Variants in EPHB1 observed in about 807,000 individuals in gnomAD.
EPHB1 encodes ephrin type-B receptor 1.
EPHB1 carries 30 observed loss-of-function variants against 94.4 expected under a neutral mutation model. The ratio of observed to expected loss-of-function variants is 0.32; its 90% confidence interval spans 0.24 to 0.43. The LOEUF is 0.43. EPHB1 is among the 20% of genes least tolerant of loss of function. The pLI is 1.00. For missense variants in EPHB1, 1,055 were observed against 1,308.3 expected (o/e 0.81, Z 2.99); for synonymous variants, 522 against 489.1 (o/e 1.07, Z -0.89).
intron 1 of EPHB1, among the ~76,000 whole-genome samples, chr3:134,844,880 G>T (rs1265831372): frequency 6.6e-6 from 1 of 152,180 alleles, no homozygotes; most frequent in Non-Finnish European, 1.5e-5. Context: ...CTACCAGTTT[G>T]CATGTGTTTT....
chr3:134,840,836 T>A (rs2036762621), intron 1 of EPHB1, among the ~76,000 whole-genome samples: 1 of 152,178 alleles, frequency 6.6e-6, no homozygotes, highest in Non-Finnish European at 1.5e-5. Flanking sequence ...AACTCCTCCC[T>A]TTAAGAGTTT....
intron 1 of EPHB1, among the ~76,000 whole-genome samples, chr3:134,883,704 G>C (rs1023147651): frequency 6.6e-6 from 1 of 152,116 alleles, no homozygotes; most frequent in East Asian, 1.9e-4. Flanking sequence ...GAATGTATCC[G>C]GGTAAACAAG....
At chr3:135,151,552 G>C (rs1299579223) in intron 5 of EPHB1, among the ~76,000 whole-genome samples, 2 of 151,998 alleles carry the variant, frequency 1.3e-5, no homozygotes, top group East Asian at 3.9e-4. Flanking sequence ...TCATTTATTA[G>C]CTCTAGTCTC....
intron 12 of EPHB1, among the ~76,000 whole-genome samples, chr3:135,219,784 C>G (rs1165573070): frequency 1.3e-5 from 2 of 152,160 alleles, no homozygotes; most frequent in African/African-American, 2.4e-5. Flanking sequence ...GTCTGCAAAT[C>G]TGTCCAGTTC....
chr3:134,987,641 C>T (rs889675898), intron 3 of EPHB1, among the ~76,000 whole-genome samples: 6 of 152,076 alleles, frequency 3.9e-5, no homozygotes, highest in East Asian at 1.9e-4. Flanking sequence ...TGTGGTGGCA[C>T]GCGCTTGTAG....
chr3:135,241,652 C>G (rs1017129925), intron 13 of EPHB1, among the ~76,000 whole-genome samples: 2 of 152,184 alleles, frequency 1.3e-5, no homozygotes, highest in African/African-American at 4.8e-5. Context: ...GTTTTCCTTC[C>G]CTGTGAACGA....
At chr3:135,106,007 T>C (rs115897213) in intron 3 of EPHB1, among the ~76,000 whole-genome samples, 1 of 152,124 alleles carries the variant, frequency 6.6e-6, no homozygotes, top group African/African-American at 2.4e-5. Context: ...CAACATGTCA[T>C]TGAAAAACCT....
chr3:135,195,430 C>A (rs1942572880), intron 11 of EPHB1, among the ~76,000 whole-genome samples: 1 of 151,800 alleles, frequency 6.6e-6, no homozygotes. Context: ...GTGCACTGCA[C>A]CCACTAACTC....
intron 1 of EPHB1, among the ~76,000 whole-genome samples, chr3:134,921,910 G>A (rs1203732494): frequency 6.6e-6 from 1 of 152,178 alleles, no homozygotes; most frequent in African/African-American, 2.4e-5. Context: ...GACGGGGGAG[G>A]TTGTATGACA....
chr3:134,964,555 T>C (rs1038767137), intron 3 of EPHB1, among the ~76,000 whole-genome samples: 1 of 152,218 alleles, frequency 6.6e-6, no homozygotes, highest in Admixed American at 6.5e-5. Context: ...CTCTGCCAAA[T>C]CATGAACTTG....
chr3:134,897,335 G>A (rs1223329266), intron 1 of EPHB1, among the ~76,000 whole-genome samples: 6 of 152,152 alleles, frequency 3.9e-5, no homozygotes, highest in Non-Finnish European at 5.9e-5. Context: ...TTGGGTCAGG[G>A]GTGAGGGAGG....
intron 3 of EPHB1, among the ~76,000 whole-genome samples, chr3:134,993,639 G>C (rs1258260055): frequency 6.6e-6 from 1 of 152,220 alleles, no homozygotes; most frequent in Non-Finnish European, 1.5e-5. Context: ...TGAGGGCTAG[G>C]AAGGAGCTTC....
chr3:135,078,843 G>A (rs1027271064), intron 3 of EPHB1, among the ~76,000 whole-genome samples: 1 of 152,202 alleles, frequency 6.6e-6, no homozygotes, highest in Non-Finnish European at 1.5e-5. Flanking sequence ...CGTACTATGT[G>A]CCTAGCTTCC....
chr3:134,980,508 A>G (rs554017692), intron 3 of EPHB1, among the ~76,000 whole-genome samples: 28 of 152,278 alleles, frequency 1.8e-4, no homozygotes, highest in African/African-American at 6.7e-4. Flanking sequence ...TTACACTCAC[A>G]AGAAACTGTT....
At chr3:134,870,550 T>C (rs985246213) in intron 1 of EPHB1, among the ~76,000 whole-genome samples, 2 of 152,172 alleles carry the variant, frequency 1.3e-5, no homozygotes, top group African/African-American at 2.4e-5. Flanking sequence ...ACACAACAAA[T>C]TCTGAATCGT....
At chr3:135,210,271 T>C (rs1272572560) in intron 12 of EPHB1, among the ~76,000 whole-genome samples, 1 of 152,212 alleles carries the variant, frequency 6.6e-6, no homozygotes, top group Non-Finnish European at 1.5e-5. Context: ...ATTTTGATAC[T>C]TAGAAAATTC....
chr3:134,935,845 C>T (rs1252988663), intron 2 of EPHB1, among the ~76,000 whole-genome samples: 1 of 152,124 alleles, frequency 6.6e-6, no homozygotes, highest in Non-Finnish European at 1.5e-5. Flanking sequence ...ATAACTATTA[C>T]ACTAATCATC....
At chr3:135,112,445 A>G (rs1939485556) in intron 4 of EPHB1, among the ~76,000 whole-genome samples, 1 of 152,048 alleles carries the variant, frequency 6.6e-6, no homozygotes, top group South Asian at 2.1e-4. Flanking sequence ...CACAACGTGC[A>G]GGTTTGTTAC....
intron 3 of EPHB1, among the ~76,000 whole-genome samples, chr3:134,986,051 A>C (rs1456694563): frequency 6.6e-6 from 1 of 152,184 alleles, no homozygotes; most frequent in African/African-American, 2.4e-5. Context: ...TTGGGAATGA[A>C]ACACAAATAA....
Sources: gnomAD v4.1 joint callset for allele counts (sites outside exome capture counted in the v4.1 genomes callset) on GRCh38, gnomAD v4.1.1 for gene constraint, MANE v1.5 for transcripts, NCBI Gene and HGNC (gene_info 2026-07-23, HGNC 2026-07-21) for gene names.